The following GRXCR1 variants were observed in gnomAD, a reference collection of about 807,000 sequenced individuals.
The protein encoded by GRXCR1 is glutaredoxin domain-containing cysteine-rich protein 1.
GRXCR1 carries 27 observed loss-of-function variants against 27.3 expected under a neutral mutation model. That is an observed-to-expected ratio of 0.99 (90% CI 0.73 to 1.37). The LOEUF (loss-of-function observed/expected upper bound fraction) is 1.37. Ranked by LOEUF, GRXCR1 falls within the 40% of genes most tolerant of loss-of-function variation. The pLI, the probability that GRXCR1 is intolerant of heterozygous loss-of-function variation, is 0.00. For synonymous variants in GRXCR1, 122 were observed against 131.1 expected (o/e 0.93, Z 0.47); for missense variants, 379 against 354.4 (o/e 1.07, Z -0.56).
At position 42,893,444 on chromosome 4, in the gene GRXCR1, G is replaced by A; in HGVS notation, c.178G>A (p.Gly60Arg). The A allele has an allele frequency of 6.2e-7, 1 of 1,613,844 alleles. No individual in the cohort carries two copies. Among genetic ancestry groups the A allele is most frequent in the Non-Finnish European group, 8.5e-7 (1 of 1,179,832 alleles). ...GATAGATGGACTAGGTGATTCCGAT[G>A]GACAGCAGAATGGCCACATAGAGTC... ...CGIDGLGDSD[G>R]QQNGHIESEG... The change falls in exon 1 of 4, where the codon GGA becomes AGA. Residue 60 changes from glycine (G) to arginine (R), a missense_variant. Gly to Arg is a moderately radical substitution (Grantham distance 125). Coordinates refer to ENST00000399770, the MANE Select transcript of GRXCR1 (RefSeq NM_001080476.3).
At chr4:42,953,638 T>A (rs1214056054) in intron 1 of GRXCR1, among the ~76,000 whole-genome samples, 3 of 152,172 alleles carry the variant, frequency 2.0e-5, no homozygotes, top group Non-Finnish European at 4.4e-5. Context: ...TGATTTTTTT[T>A]AGAAAAGAGC....
At chr4:42,953,113 G>A (rs1200793846) in intron 1 of GRXCR1, among the ~76,000 whole-genome samples, 1 of 152,100 alleles carries the variant, frequency 6.6e-6, no homozygotes, top group African/African-American at 2.4e-5. Context: ...CAAGACTCTG[G>A]ATTGTAGCAA....
In GRXCR1 at chr4:42,950,009, C is replaced by A. The variant is rs187135361; in HGVS notation, c.385-12883C>A. Reference sequence around the variant, plus strand: ...CCCGTAAAGTAGATTCTTACAGCATCCAAATGCACAGAAAGGGATTGGCTG... The same window carrying A: ...CCCGTAAAGTAGATTCTTACAGCATACAAATGCACAGAAAGGGATTGGCTG... On this transcript the variant is annotated intron_variant, in intron 1 of 3. Transcript: ENST00000399770. 4.3e-3 allele frequency among the ~76,000 whole-genome samples: 662 copies of A among 152,270 alleles called. 3 individuals are homozygous for A. The highest frequency in any genetic ancestry group is 8.3e-3 in the Admixed American group (127 of 15,284).
chr4:42,924,993 C>A (rs1747122348), intron 1 of GRXCR1, among the ~76,000 whole-genome samples: 1 of 151,332 alleles, frequency 6.6e-6, no homozygotes, highest in Non-Finnish European at 1.5e-5. Context: ...TACTTGCTTT[C>A]TGCAATTTGT....
At chr4:43,021,464 ATTGAACGATTCATGTT>A (rs1413764628) in intron 3 of GRXCR1, among the ~76,000 whole-genome samples, 1 of 152,064 alleles carries the variant, frequency 6.6e-6, no homozygotes, top group East Asian at 1.9e-4. Context: ...ATGCTCCTTG[ATTGAACGATTCATGTT>A]TTATTCATAT....
chr4:42,926,525 C>G (rs926255082), intron 1 of GRXCR1, among the ~76,000 whole-genome samples: 3 of 151,788 alleles, frequency 2.0e-5, no homozygotes, highest in Admixed American at 1.3e-4. Flanking sequence ...GAAAGCATTC[C>G]CTTGACTCAG....
At chr4:42,966,669 A>AT (rs1484609441) in intron 2 of GRXCR1, among the ~76,000 whole-genome samples, 9 of 152,084 alleles carry the variant, frequency 5.9e-5, no homozygotes, top group Non-Finnish European at 1.3e-4. Flanking sequence ...ATTTGTTGTG[A>AT]TTCACCTGTT....
At chr4:42,962,029 G>C (rs1748139808) in intron 1 of GRXCR1, among the ~76,000 whole-genome samples, 1 of 151,984 alleles carries the variant, frequency 6.6e-6, no homozygotes, top group South Asian at 2.1e-4. Flanking sequence ...TGATAAGGAA[G>C]AAGAGAAGCT....
chr4:42,922,767 T>C (rs1293160825), intron 1 of GRXCR1, among the ~76,000 whole-genome samples: 1 of 152,022 alleles, frequency 6.6e-6, no homozygotes, highest in Non-Finnish European at 1.5e-5. Flanking sequence ...AGTCATAACC[T>C]CCATGCTAGA....
Position 42,969,067 on chromosome 4 carries a change from T to C in GRXCR1, c.627+5933T>C, listed in dbSNP as rs143726693. On this transcript the variant is annotated intron_variant, in intron 2 of 3. Coordinates refer to ENST00000399770, the MANE Select transcript of GRXCR1 (RefSeq NM_001080476.3). ...GATTCCCTAGTATCTACTCTGTTAATAAGGGCTGCAGAGATGGTGGGGAGC... is the reference window on the plus strand; with the variant it reads ...GATTCCCTAGTATCTACTCTGTTAACAAGGGCTGCAGAGATGGTGGGGAGC... Among the ~76,000 whole-genome samples, 21 of 152,268 alleles carry C rather than the reference T, an allele frequency of 1.4e-4. No homozygotes were observed. In the South Asian group the frequency reaches 2.1e-3, roughly 15 times the overall value.
intron 1 of GRXCR1, among the ~76,000 whole-genome samples, chr4:42,958,623 G>T (rs1328965666): frequency 1.3e-5 from 2 of 151,960 alleles, no homozygotes; most frequent in African/African-American, 4.8e-5. Flanking sequence ...AAATGAAAAT[G>T]CAGTTAATTG....
intron 1 of GRXCR1, among the ~76,000 whole-genome samples, chr4:42,911,428 T>C (rs7698451): frequency 0.99 from 150,889 of 152,236 alleles, 74,791 homozygotes; most frequent in Middle Eastern, 1. Context: ...AAGACACACA[T>C]GTATCAAACG....
chr4:42,898,267 G>GT (rs568098308), intron 1 of GRXCR1, among the ~76,000 whole-genome samples: 20 of 150,720 alleles, frequency 1.3e-4, no homozygotes, highest in South Asian at 4.2e-4. Flanking sequence ...ATCTAGAAAG[G>GT]TTTTTTTTTC....
intron 1 of GRXCR1, among the ~76,000 whole-genome samples, chr4:42,928,749 G>A (rs887144407): frequency 6.6e-6 from 1 of 151,858 alleles, no homozygotes; most frequent in South Asian, 2.1e-4. Flanking sequence ...GGCAAGGGAG[G>A]GTAAACAATT....
At chr4:42,905,530 C>A (rs1437488146) in intron 1 of GRXCR1, among the ~76,000 whole-genome samples, 1 of 152,148 alleles carries the variant, frequency 6.6e-6, no homozygotes, top group East Asian at 1.9e-4. Context: ...GAGGCTGTTG[C>A]TGAGTTTTTT....
At chr4:42,945,641 C>T (rs1047016377) in intron 1 of GRXCR1, among the ~76,000 whole-genome samples, 2 of 152,076 alleles carry the variant, frequency 1.3e-5, no homozygotes, top group African/African-American at 4.8e-5. Flanking sequence ...TATTTTCTTG[C>T]AGACTTTTTA....
At chr4:42,897,433 A>G (rs887587933) in intron 1 of GRXCR1, among the ~76,000 whole-genome samples, 1 of 152,062 alleles carries the variant, frequency 6.6e-6, no homozygotes, top group Non-Finnish European at 1.5e-5. Flanking sequence ...ATAGGTGCAA[A>G]GAAGGAAAAT....
chr4:42,932,415 A>G (rs1158924633), intron 1 of GRXCR1, among the ~76,000 whole-genome samples: 1 of 141,034 alleles, frequency 7.1e-6, no homozygotes, highest in Non-Finnish European at 1.5e-5. Flanking sequence ...TCCCAGGGAG[A>G]AAATACATTA....
chr4:42,928,326 C>T lies in GRXCR1; in HGVS notation c.385-34566C>T, dbSNP rs192145377. ...TCACTACAATAAGTATAAAGAATAC[C>T]CATCCAGCAGATGACATGAGGAAAT... On this transcript the variant is annotated intron_variant, in intron 1 of 3. Transcript: ENST00000399770. Among the ~76,000 whole-genome samples the T allele has an allele frequency of 1.5e-4, 23 of 151,956 alleles. No homozygotes were observed. In the South Asian group the frequency reaches 2.3e-3, roughly 15 times the overall value.
Sources: allele counts gnomAD v4.1 joint callset (sites outside exome capture counted in the v4.1 genomes callset), GRCh38; gene constraint gnomAD v4.1.1; transcripts MANE v1.5; gene names NCBI Gene and HGNC (gene_info 2026-07-23, HGNC 2026-07-21).